Variants in KCNU1 observed in about 807,000 individuals in gnomAD.
The protein encoded by KCNU1 is potassium channel subfamily U member 1.
In KCNU1, 93 loss-of-function variants were observed where a neutral mutation model predicts 126.8. That is an observed-to-expected ratio of 0.73 (90% CI 0.62 to 0.87). The LOEUF is 0.87. Among genes scored for constraint, KCNU1 ranks in the 40% least tolerant of loss-of-function variants. The pLI, the probability that KCNU1 is intolerant of heterozygous loss-of-function variation, is 0.00. For synonymous variants in KCNU1, 523 were observed against 494.2 expected (o/e 1.06, Z -0.77); for missense variants, 1,330 against 1,367.1 (o/e 0.97, Z 0.43).
At chr8:36,818,803 T>C (rs1176263467) in intron 10 of KCNU1, among the ~76,000 whole-genome samples, 2 of 152,172 alleles carry the variant, frequency 1.3e-5, no homozygotes, top group African/African-American at 2.4e-5. Context: ...TGGGCCCTCA[T>C]GTATGGAATA....
At chr8:36,933,601 C>A (rs938779103) in intron 26 of KCNU1, among the ~76,000 whole-genome samples, 1 of 151,836 alleles carries the variant, frequency 6.6e-6, no homozygotes, top group Non-Finnish European at 1.5e-5. Flanking sequence ...TTGTGTATGC[C>A]CAGACTAAGA....
In KCNU1 at chr8:36,882,045, A is replaced by C. The variant is rs545609700; in HGVS notation, c.2009+17524A>C. On this transcript the variant is annotated intron_variant, in intron 19 of 26. Coordinates refer to ENST00000399881, the MANE Select transcript of KCNU1 (RefSeq NM_001031836.3). ...TAAAAGTGCTACCTTACTAGGAGCG[A>C]TTTGCAGACAGTCATCTACAGCCTC... Among the ~76,000 whole-genome samples the C allele has an allele frequency of 5.9e-4, 90 of 152,266 alleles. 1 individual carries two copies. The highest frequency in any genetic ancestry group is 2.3e-3 in the Admixed American group (35 of 15,292).
intron 2 of KCNU1, among the ~76,000 whole-genome samples, chr8:36,802,219 C>A (rs931822382): frequency 6.6e-6 from 1 of 151,870 alleles, no homozygotes; most frequent in African/African-American, 2.4e-5. Flanking sequence ...GCCTCTTACC[C>A]AATCACTTGT....
intron 24 of KCNU1, chr8:36,928,927 C>T (rs1421170572): frequency 4.5e-6 from 3 of 664,446 alleles, no homozygotes; most frequent in Non-Finnish European, 8.1e-6. Flanking sequence ...TCCCAGAAAT[C>T]TACACTCATT....
rs181161633 is a variant in KCNU1 at position 36,906,996 on chromosome 8, T to C, written c.2106+1192T>C. Among the ~76,000 whole-genome samples the C allele has an allele frequency of 5.1e-3, 774 of 152,214 alleles. 5 individuals are homozygous for C. Among genetic ancestry groups the C allele is most frequent in the African/African-American group, 0.018 (740 of 41,546 alleles). ...ACCAAACGATGGAAATAGCAGAAGT[T>C]TTATTAGATCATATTTATTAAGAAT... On this transcript the variant is annotated intron_variant, in intron 20 of 26. Transcript: ENST00000399881.
chr8:36,833,671 C>T lies in KCNU1; in HGVS notation c.1212+12C>T, dbSNP rs10089594. 0.25 allele frequency: 385,150 copies of T among 1,529,524 alleles called. 52,696 individuals carry two copies. Among genetic ancestry groups the T allele is most frequent in the African/African-American group, 0.45 (32,658 of 73,276 alleles). 94.7% of individuals were successfully genotyped at this position (1,529,524 alleles called of 1,614,324 possible). A position where few individuals can be genotyped will look rare whatever the true frequency, so the allele number is the denominator to read the frequency against. The stretch of plus-strand genomic sequence containing the variant: ...TGAGGCGAGTTGCGGTAAGATCTAG[C>T]TGTTTTTGTTCCTTGTAGTTTTCCT... On this transcript the variant is annotated intron_variant, in intron 11 of 26. Coordinates refer to ENST00000399881, the MANE Select transcript of KCNU1 (RefSeq NM_001031836.3).
chr8:36,801,315 C>T (rs1473968383), intron 2 of KCNU1, among the ~76,000 whole-genome samples: 1 of 152,170 alleles, frequency 6.6e-6, no homozygotes, highest in East Asian at 1.9e-4. Flanking sequence ...TTAGTGTCCA[C>T]AAATCTGTCA....
chr8:36,910,965 C>T lies in KCNU1; in HGVS notation c.2367C>T (p.Ala789=). ...TTTATTCTGGAGACCTCCATGCGGCCAACATAGAGCAATGCTCCATGTGTG... is the reference window on the plus strand; with the variant it reads ...TTTATTCTGGAGACCTCCATGCGGCTAACATAGAGCAATGCTCCATGTGTG... ...CALYSGDLHA[A]NIEQCSMCAV... is the part of the protein sequence containing the mutation. The change falls in exon 22 of 27, where the codon GCC becomes GCT. Residue 789 remains alanine, a synonymous_variant. Transcript: ENST00000399881. 1.2e-6 allele frequency: 2 copies of T among 1,612,908 alleles called. No homozygotes were observed. The highest frequency in any genetic ancestry group is 1.7e-6 in the Non-Finnish European group (2 of 1,179,336).
chr8:36,836,913 C>A lies in KCNU1; in HGVS notation c.1486C>A (p.Leu496Ile), dbSNP rs1270074692. 1 of 1,613,822 alleles carries A rather than the reference C, an allele frequency of 6.2e-7. No homozygotes were observed. Among genetic ancestry groups the A allele is most frequent in the Non-Finnish European group, 8.5e-7 (1 of 1,179,806 alleles). Residue 496 changes from leucine to isoleucine, a missense_variant, in exon 14 of 27, where the codon CTA (leucine) becomes ATA (isoleucine). By Grantham distance (5) the Leu-to-Ile change is conservative. Coordinates refer to ENST00000399881, the MANE Select transcript of KCNU1 (RefSeq NM_001031836.3). Reference protein sequence around the residue: ...GCLVPGLCTFLTSLFVEQNKK... With the variant: ...GCLVPGLCTFITSLFVEQNKK... The stretch of plus-strand genomic sequence containing the variant: ...TTTGGTGCCAGGCTTGTGTACCTTC[C>A]TAACATCTCTATTTGTGGAGCAAAA...
At chr8:36,886,797 T>C (rs1806722131) in intron 19 of KCNU1, among the ~76,000 whole-genome samples, 1 of 152,078 alleles carries the variant, frequency 6.6e-6, no homozygotes, top group African/African-American at 2.4e-5. Context: ...CTCATCCTCC[T>C]CCCAATGTCC....
chr8:36,797,280 CA>C (rs1803135925), intron 2 of KCNU1, among the ~76,000 whole-genome samples: 1 of 152,088 alleles, frequency 6.6e-6, no homozygotes, highest in African/African-American at 2.4e-5. Context: ...AAGCACTGAC[CA>C]CTGGCTGATA....
In KCNU1 at chr8:36,888,704, C is replaced by G. The variant is rs549337483; in HGVS notation, c.2010-17004C>G. ...CACTAGTGTTGATATTGTTACAAAC[C>G]ATCACTTGCAGGAAAGCATCTTCAC... is the stretch of plus-strand genomic sequence containing the variant. On this transcript the variant is annotated intron_variant, in intron 19 of 26. Coordinates refer to ENST00000399881, the MANE Select transcript of KCNU1 (RefSeq NM_001031836.3). 4.5e-4 allele frequency: 243 copies of G among 534,520 alleles called. 4 individuals are homozygous for G. The highest frequency in any genetic ancestry group is 3.4e-3 in the South Asian group (240 of 71,584). The allele number at this position is 534,520 out of a possible 1,614,324, so 33.1% of individuals were successfully genotyped here.
intron 2 of KCNU1, among the ~76,000 whole-genome samples, chr8:36,789,997 C>T (rs900065443): frequency 1.3e-5 from 2 of 152,150 alleles, no homozygotes; most frequent in Non-Finnish European, 2.9e-5. Context: ...CAAAGGGAAT[C>T]ACTCTATTCT....
intron 10 of KCNU1, among the ~76,000 whole-genome samples, chr8:36,829,956 T>C (rs1002002325): frequency 8.0e-5 from 12 of 150,848 alleles, no homozygotes; most frequent in Non-Finnish European, 1.5e-4. Flanking sequence ...ATTAGTCTTA[T>C]ATCTAACCAC....
intron 10 of KCNU1, among the ~76,000 whole-genome samples, chr8:36,824,698 T>A (rs1275768157): frequency 1.3e-5 from 2 of 152,202 alleles, no homozygotes; most frequent in Non-Finnish European, 2.9e-5. Context: ...TCTTCTATGT[T>A]TATTTAGAAT....
chr8:36,798,033 C>T (rs1328565707), intron 2 of KCNU1, among the ~76,000 whole-genome samples: 2 of 152,290 alleles, frequency 1.3e-5, no homozygotes, highest in Middle Eastern at 3.4e-3. Flanking sequence ...TTCTGTGTTT[C>T]GTGTCTGTTC....
In KCNU1 at chr8:36,809,018, C is replaced by T. The variant is rs111595685; in HGVS notation, c.732+225C>T. Among the ~76,000 whole-genome samples the T allele has an allele frequency of 2.5e-3, 381 of 152,198 alleles. 11 individuals are homozygous for T. The highest frequency in any genetic ancestry group is 8.8e-3 in the African/African-American group (365 of 41,514). ...TCCCTCTTCCAACTTTCAAAACCTA[C>T]TCTTAAGGAAAGACCTAGTAAGCTC... On this transcript the variant is annotated intron_variant, in intron 7 of 26. Coordinates refer to ENST00000399881, the MANE Select transcript of KCNU1 (RefSeq NM_001031836.3).
chr8:36,797,563 C>T (rs574596864), intron 2 of KCNU1, among the ~76,000 whole-genome samples: 1 of 151,776 alleles, frequency 6.6e-6, no homozygotes, highest in South Asian at 2.1e-4. Flanking sequence ...TACATTGAAA[C>T]CTAATTTTAT....
intron 10 of KCNU1, among the ~76,000 whole-genome samples, chr8:36,818,834 C>G (rs890890404): frequency 5.3e-5 from 8 of 152,174 alleles, no homozygotes; most frequent in African/African-American, 1.9e-4. Flanking sequence ...GTTTGAAGCA[C>G]TCTATGATGT....
Sources: gnomAD v4.1 joint callset for allele counts (sites outside exome capture counted in the v4.1 genomes callset) on GRCh38, gnomAD v4.1.1 for gene constraint, MANE v1.5 for transcripts, NCBI Gene and HGNC (gene_info 2026-07-23, HGNC 2026-07-21) for gene names.